Variants in ITGA9 observed in about 807,000 individuals in gnomAD.
ITGA9 encodes the protein integrin alpha-9.
A neutral mutation model predicts 127.8 loss-of-function variants in ITGA9; 56 were observed. That is an observed-to-expected ratio of 0.44 (90% CI 0.35 to 0.55). The LOEUF (loss-of-function observed/expected upper bound fraction) is 0.55, where lower values mean the gene tolerates loss of function less well. Ranked by LOEUF, ITGA9 falls within the 20% of genes least tolerant of loss-of-function variation. The probability of loss-of-function intolerance (pLI) is 0.00; values close to 1 mark genes in which losing one functional copy is unlikely to be tolerated. For synonymous variants in ITGA9, 508 were observed against 514.5 expected, an observed-to-expected ratio of 0.99 and a Z score of 0.17; for missense variants, 1,196 against 1,347.1, an observed-to-expected ratio of 0.89 and a Z score of 1.76.
intron 13 of ITGA9, among the ~76,000 whole-genome samples, chr3:37,530,606 C>T (rs1229121760): frequency 5.9e-5 from 9 of 151,952 alleles, no homozygotes; most frequent in Admixed American, 5.2e-4. Context: ...AAGGCCAAGG[C>T]ACCTTGAGCA....
chr3:37,471,434 C>T (rs1462895328), intron 2 of ITGA9, among the ~76,000 whole-genome samples: 1 of 152,116 alleles, frequency 6.6e-6, no homozygotes, highest in African/African-American at 2.4e-5. Flanking sequence ...TTGATTTAAT[C>T]TAGATAGGAG....
At position 37,606,844 on chromosome 3, in the gene ITGA9, G is replaced by T. The variant is rs144654437; in HGVS notation, c.1690-22343G>T. Among the ~76,000 whole-genome samples, 228 of 152,038 alleles carry T rather than the reference G, an allele frequency of 1.5e-3. 1 individual carries two copies. The highest frequency in any genetic ancestry group is 5.2e-3 in the African/African-American group (216 of 41,474). ...GGAGAACAGCAAGTCCTCAGTGAGA[G>T]TATTTGTCACTTCCTACTCTTGGTG... On this transcript the variant is annotated intron_variant, in intron 15 of 27. Coordinates refer to ENST00000264741, the MANE Select transcript of ITGA9 (RefSeq NM_002207.3).
intron 15 of ITGA9, among the ~76,000 whole-genome samples, chr3:37,557,451 G>A (rs1489539658): frequency 2.6e-5 from 4 of 152,172 alleles, no homozygotes; most frequent in Non-Finnish European, 2.9e-5. Context: ...CCCCTTCGAA[G>A]CAGCCATCCA....
intron 18 of ITGA9, among the ~76,000 whole-genome samples, chr3:37,730,415 A>G (rs1186757322): frequency 6.6e-6 from 1 of 152,014 alleles, no homozygotes; most frequent in Non-Finnish European, 1.5e-5. Flanking sequence ...AAGGCCATCT[A>G]TGGTGAATCA....
intron 26 of ITGA9, among the ~76,000 whole-genome samples, chr3:37,802,515 C>T (rs896051262): frequency 5.3e-5 from 8 of 152,126 alleles, no homozygotes; most frequent in African/African-American, 1.9e-4. Flanking sequence ...TGTCTGGAGC[C>T]AAAGGAGAGA....
At chr3:37,464,775 A>G (rs1579041993) in intron 1 of ITGA9, among the ~76,000 whole-genome samples, 1 of 152,214 alleles carries the variant, frequency 6.6e-6, no homozygotes, top group African/African-American at 2.4e-5. Flanking sequence ...GTTTCCCCAA[A>G]TATAAGAAGA....
At chr3:37,570,423 GAT>G (rs1257121526) in intron 15 of ITGA9, among the ~76,000 whole-genome samples, 1 of 152,234 alleles carries the variant, frequency 6.6e-6, no homozygotes, top group Non-Finnish European at 1.5e-5. Flanking sequence ...TTGAACAACT[GAT>G]AGGCTTGGTA....
intron 15 of ITGA9, among the ~76,000 whole-genome samples, chr3:37,612,227 G>A (rs147887650): frequency 5.5e-4 from 84 of 152,230 alleles, no homozygotes; most frequent in African/African-American, 1.8e-3. Flanking sequence ...GCCTTTGGCC[G>A]TTGGGAAGCG....
chr3:37,464,930 T>C (rs1426795024), intron 1 of ITGA9, among the ~76,000 whole-genome samples: 1 of 152,210 alleles, frequency 6.6e-6, no homozygotes, highest in Admixed American at 6.5e-5. Flanking sequence ...CCTGGGCTGC[T>C]TTCTGCCCAG....
chr3:37,512,326 T>C (rs1390118435), intron 8 of ITGA9, among the ~76,000 whole-genome samples: 1 of 151,264 alleles, frequency 6.6e-6, no homozygotes, highest in East Asian at 1.9e-4. Flanking sequence ...TTCAAGCGAT[T>C]CTCCTGCCTC....
intron 23 of ITGA9, among the ~76,000 whole-genome samples, chr3:37,760,559 C>T (rs999628630): frequency 5.3e-5 from 8 of 152,038 alleles, no homozygotes; most frequent in Admixed American, 6.5e-5. Context: ...GATGAAATAT[C>T]GTTCCAAAAC....
chr3:37,723,420 G>A (rs1701212957), intron 18 of ITGA9, among the ~76,000 whole-genome samples: 2 of 152,114 alleles, frequency 1.3e-5, no homozygotes, highest in Admixed American at 1.3e-4. Context: ...AAATGCAGTA[G>A]TGCGATCTCG....
In ITGA9 at chr3:37,542,658, T is replaced by G; in HGVS notation, c.1689+73T>G. On this transcript the variant is annotated intron_variant, in intron 15 of 27. Transcript: ENST00000264741. ...GTTCACTTGGAGCTGGTGGAAACTA[T>G]TTTTATTATGTATTATGTGTGCTCT... 4.0e-6 allele frequency: 6 copies of G among 1,491,274 alleles called. No homozygotes were observed. The South Asian group carries it at 7.0e-5, about 17-fold the overall frequency. The allele number at this position is 1,491,274 out of a possible 1,614,324, so 92.4% of individuals were successfully genotyped here.
intron 13 of ITGA9, among the ~76,000 whole-genome samples, chr3:37,528,280 A>G (rs1699115077): frequency 6.6e-6 from 1 of 152,218 alleles, no homozygotes; most frequent in Non-Finnish European, 1.5e-5. Context: ...AAAGCGAGGC[A>G]GTTACACAAT....
rs527774778 is a variant in ITGA9 at position 37,621,843 on chromosome 3, C to T, written c.1690-7344C>T. On this transcript the variant is annotated intron_variant, in intron 15 of 27. Transcript: ENST00000264741. The stretch of plus-strand genomic sequence containing the variant: ...AACTAATATATAGTCATATTAAAAT[C>T]TCTAATCTGATTGAGAAATTTTCAG... Among the ~76,000 whole-genome samples the T allele has an allele frequency of 8.5e-5, 13 of 152,274 alleles. No homozygotes were observed. The South Asian group carries it at 2.7e-3, about 32-fold the overall frequency.
At position 37,452,680 on chromosome 3, in the gene ITGA9, T is replaced by G; in HGVS notation, c.185+121T>G. 1.2e-6 allele frequency: 1 copy of G among 829,820 alleles called. No homozygotes were observed. 51.4% of individuals were successfully genotyped at this position (829,820 alleles called of 1,614,324 possible). ...CGCCGTCCCGAGGGGGCGATTTAAA[T>G]GTCTCCGTTGCGCGCGGCTCGGCCG... On this transcript the variant is annotated intron_variant, in intron 1 of 27. Transcript: ENST00000264741. This position sits in a 1 kb window ranked among gnomAD's most constrained non-coding sequence, Gnocchi z 7.3.
intron 17 of ITGA9, among the ~76,000 whole-genome samples, chr3:37,678,395 T>A (rs9311162): frequency 7.1e-4 from 108 of 152,286 alleles, no homozygotes; most frequent in African/African-American, 2.4e-3. Flanking sequence ...AAATAGTTTT[T>A]AAAAAGTAAC....
At chr3:37,503,045 T>C in intron 5 of ITGA9, 133 bp from the exon 6 acceptor site, 1 of 906,738 alleles carries the variant, frequency 1.1e-6, no homozygotes, top group Non-Finnish European at 1.7e-6. Flanking sequence ...AATCTGTTTT[T>C]GTTGCTTAGC....
chr3:37,596,253 A>G (rs1043985090), intron 15 of ITGA9, among the ~76,000 whole-genome samples: 1 of 152,174 alleles, frequency 6.6e-6, no homozygotes, highest in Non-Finnish European at 1.5e-5. Context: ...TTGACCACTT[A>G]TTAGGACTTG....
Sources: gnomAD v4.1 joint callset for allele counts (sites outside exome capture counted in the v4.1 genomes callset) on GRCh38, gnomAD v4.1.1 for gene constraint, Gnocchi (gnomAD v3.1) non-coding constraint, MANE v1.5 for transcripts, NCBI Gene and HGNC (gene_info 2026-07-23, HGNC 2026-07-21) for gene names.